Variants in RXRA observed in about 807,000 individuals in gnomAD.
The protein encoded by RXRA is retinoic acid receptor RXR-alpha.
A neutral mutation model predicts 44.5 loss-of-function variants in RXRA; 5 were observed. That is an observed-to-expected ratio of 0.11 (90% confidence interval 0.06 to 0.24). The LOEUF is 0.24. Among genes scored for constraint, RXRA ranks in the 10% least tolerant of loss-of-function variants. The pLI is 1.00. For missense variants in RXRA, 412 were observed against 646.5 expected (o/e 0.64, Z 3.93); for synonymous variants, 291 against 271.4 (o/e 1.07, Z -0.71).
chr9:134,417,240 G>A lies in RXRA; in HGVS notation c.693G>A (p.Pro231=), dbSNP rs770566969. ...ESTSSANEDM[P]VERILEAELA... ...CCAGCAGCGCCAACGAGGACATGCC[G>A]GTGGAGAGGATCCTGGAGGCTGAGC... is the stretch of plus-strand genomic sequence containing the variant. The change falls in exon 5 of 10, where the codon CCG becomes CCA. Residue 231 remains proline, a synonymous_variant. Transcript: ENST00000481739. The surrounding 1 kb of genome is among the most constrained non-coding windows in gnomAD (Gnocchi z 6.1). 4 of 1,613,878 alleles carry A rather than the reference G, an allele frequency of 2.5e-6. No individual in the cohort carries two copies. Among genetic ancestry groups the A allele is most frequent in the South Asian group, 1.1e-5 (1 of 91,090 alleles).
chr9:134,414,376 G>C (rs190146412), intron 4 of RXRA, among the ~76,000 whole-genome samples: 1 of 152,364 alleles, frequency 6.6e-6, no homozygotes, highest in Non-Finnish European at 1.5e-5. Context: ...GGGCTGGCGC[G>C]TGGGGTGGGA....
chr9:134,435,707 T>A (rs1223466677), intron 9 of RXRA, among the ~76,000 whole-genome samples: 7 of 152,178 alleles, frequency 4.6e-5, no homozygotes, highest in African/African-American at 1.7e-4. Context: ...TGATGCTCTT[T>A]GACTTCTTGG....
At chr9:134,408,359 C>T in intron 3 of RXRA, 60 bp downstream of exon 3, 1 of 1,502,940 alleles carries the variant, frequency 6.7e-7, no homozygotes. Context: ...ATTGCAGGGT[C>T]TGGAGGCCTC....
intron 1 of RXRA, among the ~76,000 whole-genome samples, chr9:134,368,846 G>A (rs1830448291): frequency 6.7e-6 from 1 of 148,958 alleles, no homozygotes. Flanking sequence ...CTGCATATGT[G>A]TGTGTGAAAG....
chr9:134,346,280 C>CT (rs1439190997), intron 1 of RXRA, among the ~76,000 whole-genome samples: 1 of 152,176 alleles, frequency 6.6e-6, no homozygotes, highest in African/African-American at 2.4e-5. Flanking sequence ...CCGCGGCTTG[C>CT]TGGGGACCAG....
Position 134,361,600 on chromosome 9 carries a change from C to T in RXRA, c.28+34941C>T, listed in dbSNP as rs577887305. On this transcript the variant is annotated intron_variant, in intron 1 of 9. Transcript: ENST00000481739. Reference sequence around the variant, plus strand: ...CGTGATTCATCAGGGCCTTCCACACCGTCAGTGGCCGTCGCCCGTCATTTG... The same window carrying T: ...CGTGATTCATCAGGGCCTTCCACACTGTCAGTGGCCGTCGCCCGTCATTTG... Among the ~76,000 whole-genome samples, 12 of 152,344 alleles carry T rather than the reference C, an allele frequency of 7.9e-5. No homozygotes were observed. In the South Asian group the frequency reaches 2.3e-3, roughly 29 times the overall value.
chr9:134,427,989 C>T (rs576326769), intron 6 of RXRA, among the ~76,000 whole-genome samples: 97 of 152,218 alleles, frequency 6.4e-4, no homozygotes, highest in African/African-American at 2.2e-3. Flanking sequence ...TGCGTGTGTG[C>T]GCGAGGGTCC....
rs909215754 is a variant in RXRA at position 134,440,107 on chromosome 9, A to G, written c.*3493A>G. The G allele has an allele frequency of 3.3e-5, 5 of 152,202 alleles. No homozygotes were observed. Among genetic ancestry groups the G allele is most frequent in the African/African-American group, 2.4e-5 (1 of 41,376 alleles). The allele number at this position is 152,202 out of a possible 1,614,324, so 9.4% of individuals were successfully genotyped here. ...CTGGAAAGGTAAAAAAAAAAAATCT[A>G]TTTTTGTACAAATGTAATTTTATCC... On this transcript the variant is annotated 3_prime_UTR_variant, in exon 10 of 10. Transcript: ENST00000481739.
intron 1 of RXRA, among the ~76,000 whole-genome samples, chr9:134,373,095 G>A (rs945334789): frequency 6.6e-6 from 1 of 152,182 alleles, no homozygotes; most frequent in Non-Finnish European, 1.5e-5. Context: ...ATGAGGAAGC[G>A]GGTGCCCAGA....
At chr9:134,421,855 C>T (rs771397451) in intron 6 of RXRA, 50 bp downstream of exon 6, 24 of 1,602,442 alleles carry the variant, frequency 1.5e-5, no homozygotes, top group African/African-American at 1.3e-4. Context: ...AGATGGGACA[C>T]GTACCAGGAC....
intron 1 of RXRA, among the ~76,000 whole-genome samples, chr9:134,375,774 G>A (rs1015355710): frequency 2.6e-5 from 4 of 152,054 alleles, no homozygotes; most frequent in Non-Finnish European, 4.4e-5. Context: ...CGGAGTAGGA[G>A]GGCTGGCTTC....
At chr9:134,405,390 G>A (rs1831033993) in intron 2 of RXRA, 1 of 152,322 alleles carries the variant, frequency 6.6e-6, no homozygotes, top group African/African-American at 2.4e-5. Context: ...CACTGGGCTA[G>A]CCAGACCCTC....
Position 134,417,929 on chromosome 9 carries a change from GC to G in RXRA, c.780+605del, listed in dbSNP as rs561860839. Among the ~76,000 whole-genome samples, 32 of 152,248 alleles carry G rather than the reference GC, an allele frequency of 2.1e-4. No homozygotes were observed. The highest frequency in any genetic ancestry group is 2.0e-3 in the Admixed American group (30 of 15,304). On this transcript the variant is annotated intron_variant, in intron 5 of 9. Transcript: ENST00000481739. The surrounding 1 kb of genome is among the most constrained non-coding windows in gnomAD (Gnocchi z 6.1). ...GGGGAGGAGGATTGGGTGGGCCGCA[GC>G]CCTGGTCCCGGGCTCTTCTCCTGGG...
intron 5 of RXRA, among the ~76,000 whole-genome samples, chr9:134,421,389 G>C (rs1831328091): frequency 6.6e-6 from 1 of 152,062 alleles, no homozygotes. Context: ...CTCTTCCTCT[G>C]ACCCTCCTGC....
At chr9:134,346,466 C>T (rs1193367299) in intron 1 of RXRA, among the ~76,000 whole-genome samples, 1 of 152,192 alleles carries the variant, frequency 6.6e-6, no homozygotes, top group Non-Finnish European at 1.5e-5. Flanking sequence ...GCAGCTGGTT[C>T]TGCTTGTTCC....
In RXRA at chr9:134,424,463, G is replaced by A. The variant is rs1442460110; in HGVS notation, c.910+2658G>A. 3.0e-6 allele frequency: 3 copies of A among 985,362 alleles called. No homozygotes were observed. The African/African-American group carries it at 5.2e-5, about 17-fold the overall frequency. The allele number at this position is 985,362 out of a possible 1,614,324, so 61.0% of individuals were successfully genotyped here. ...TCTCCAGTGGGCCCTGCTCATGCAT[G>A]CTTCTGGCTTCGAGGGCCGCATGGT... is the stretch of plus-strand genomic sequence containing the variant. On this transcript the variant is annotated intron_variant, in intron 6 of 9. Coordinates refer to ENST00000481739, the MANE Select transcript of RXRA (RefSeq NM_002957.6).
At chr9:134,379,603 C>G (rs1395940573) in intron 1 of RXRA, 8 of 985,302 alleles carry the variant, frequency 8.1e-6, no homozygotes, top group Non-Finnish European at 9.6e-6. Flanking sequence ...CCTGTGCTCC[C>G]TGACAGCCGC....
chr9:134,426,945 G>T lies in RXRA; in HGVS notation c.911-2163G>T, dbSNP rs1831443493. ...CCTAGGAGAGCATTTGCTCTCACTG[G>T]ATGTCAGACCCAGTGCCTCTCAGCC... On this transcript the variant is annotated intron_variant, in intron 6 of 9. Transcript: ENST00000481739. The surrounding 1 kb of genome is among the most constrained non-coding windows in gnomAD (Gnocchi z 4.6). The T allele has an allele frequency of 1.2e-5, 12 of 985,198 alleles. No homozygotes were observed. Among genetic ancestry groups the T allele is most frequent in the Non-Finnish European group, 1.4e-5 (12 of 829,918 alleles). 61.0% of individuals were successfully genotyped at this position (985,198 alleles called of 1,614,324 possible).
In RXRA at chr9:134,344,535, T is replaced by A. The variant is rs1438886968; in HGVS notation, c.28+17876T>A. Among the ~76,000 whole-genome samples, 5 of 151,966 alleles carry A rather than the reference T, an allele frequency of 3.3e-5. 1 individual carries two copies. Among genetic ancestry groups the A allele is most frequent in the Admixed American group, 2.6e-4 (4 of 15,282 alleles). On this transcript the variant is annotated intron_variant, in intron 1 of 9. Coordinates refer to ENST00000481739, the MANE Select transcript of RXRA (RefSeq NM_002957.6). The stretch of plus-strand genomic sequence containing the variant: ...GTGGAAGTGGAGTCCTTGGTTCCTT[T>A]CTCTGGGGGCTCCCAACAGGAGGTT...
Sources: allele counts gnomAD v4.1 joint callset (sites outside exome capture counted in the v4.1 genomes callset), GRCh38; gene constraint gnomAD v4.1.1; non-coding constraint Gnocchi (gnomAD v3.1); transcripts MANE v1.5; gene names NCBI Gene and HGNC (gene_info 2026-07-23, HGNC 2026-07-21).